Variants in CTNNA3 observed in about 807,000 individuals in gnomAD.
CTNNA3 encodes the protein catenin alpha 3, also known as catenin alpha-3.
A neutral mutation model predicts 95.7 loss-of-function variants in CTNNA3; 76 were observed. That is an observed-to-expected ratio of 0.79 (90% confidence interval 0.66 to 0.96). The LOEUF (loss-of-function observed/expected upper bound fraction) is 0.96. Among genes scored for constraint, CTNNA3 ranks in the 40% least tolerant of loss-of-function variants. CTNNA3 has a pLI of 0.00. For synonymous variants in CTNNA3, 431 were observed against 374.4 expected (o/e 1.15, Z -1.74); for missense variants, 1,191 against 1,089.8 (o/e 1.09, Z -1.31).
chr10:66,433,729 C>T (rs1311844042), intron 11 of CTNNA3, among the ~76,000 whole-genome samples: 1 of 152,140 alleles, frequency 6.6e-6, no homozygotes, highest in Non-Finnish European at 1.5e-5. Context: ...TGCCTATGTC[C>T]TGAATGGTAC....
chr10:67,568,544 T>G (rs968545184), intron 3 of CTNNA3, among the ~76,000 whole-genome samples: 2 of 151,528 alleles, frequency 1.3e-5, no homozygotes, highest in Non-Finnish European at 2.9e-5. Flanking sequence ...CATATTTATA[T>G]GCACACAGAC....
intron 1 of CTNNA3, among the ~76,000 whole-genome samples, chr10:67,753,841 T>C (rs533935488): frequency 2.6e-5 from 4 of 151,604 alleles, no homozygotes; most frequent in South Asian, 2.1e-4. Context: ...TGTGGAGGAA[T>C]AGGAACACTT....
intron 12 of CTNNA3, among the ~76,000 whole-genome samples, chr10:66,358,307 T>C (rs149468550): frequency 6.6e-6 from 1 of 151,980 alleles, no homozygotes; most frequent in Admixed American, 6.6e-5. Flanking sequence ...TGGTGTGCAC[T>C]TCCCAGATTC....
intron 1 of CTNNA3, among the ~76,000 whole-genome samples, chr10:67,702,091 A>G (rs956695393): frequency 5.3e-5 from 8 of 152,206 alleles, no homozygotes; most frequent in African/African-American, 1.7e-4. Flanking sequence ...CTAAATATAT[A>G]TGCACCCAAT....
chr10:67,299,331 A>G (rs1388319470), intron 5 of CTNNA3, among the ~76,000 whole-genome samples: 1 of 151,982 alleles, frequency 6.6e-6, no homozygotes, highest in Admixed American at 6.6e-5. Flanking sequence ...ACCAGTTACT[A>G]ATTATATCTA....
chr10:66,662,468 C>A (rs1846297023), intron 9 of CTNNA3, among the ~76,000 whole-genome samples: 1 of 152,146 alleles, frequency 6.6e-6, no homozygotes. Flanking sequence ...CTACCATTTT[C>A]TTTTGTTTTT....
At chr10:66,620,352 T>G (rs2394219) in intron 10 of CTNNA3, among the ~76,000 whole-genome samples, 47,370 of 151,594 alleles carry the variant, frequency 0.31, 8,049 homozygotes, top group Middle Eastern at 0.49. Flanking sequence ...AATTACAAAA[T>G]ACAACCTAAC....
At chr10:66,346,211 GTATATATATATATATATATA>G (rs368554085) in intron 12 of CTNNA3, among the ~76,000 whole-genome samples, 43 of 105,512 alleles carry the variant, frequency 4.1e-4, no homozygotes, top group African/African-American at 9.1e-4. Flanking sequence ...ATGTGTGTGT[GTATATATATATATATATATA>G]TATATATATA....
intron 11 of CTNNA3, among the ~76,000 whole-genome samples, chr10:66,516,386 T>C (rs971801038): frequency 1.2e-4 from 19 of 152,172 alleles, no homozygotes; most frequent in African/African-American, 4.6e-4. Context: ...CCATTTCTCT[T>C]TTTTTACTAA....
intron 7 of CTNNA3, among the ~76,000 whole-genome samples, chr10:66,846,303 G>A (rs1843272759): frequency 6.6e-6 from 1 of 152,072 alleles, no homozygotes; most frequent in Non-Finnish European, 1.5e-5. Flanking sequence ...AGGGGCTAAG[G>A]GATGGGGGAA....
chr10:67,485,430 C>T (rs560658047), intron 5 of CTNNA3, among the ~76,000 whole-genome samples: 131 of 152,192 alleles, frequency 8.6e-4, no homozygotes, highest in Middle Eastern at 6.8e-3. Flanking sequence ...AATCTTAGCC[C>T]AAACCTTAGC....
At chr10:66,335,287 T>C (rs1163370919) in intron 12 of CTNNA3, among the ~76,000 whole-genome samples, 1 of 152,090 alleles carries the variant, frequency 6.6e-6, no homozygotes, top group African/African-American at 2.4e-5. Context: ...CTGCATTCCT[T>C]TGGAGGAGGA....
intron 9 of CTNNA3, among the ~76,000 whole-genome samples, chr10:66,679,054 G>A (rs1846971197): frequency 6.6e-6 from 1 of 152,132 alleles, no homozygotes; most frequent in African/African-American, 2.4e-5. Context: ...TATGGTCAAT[G>A]TTTTGTTTTT....
intron 14 of CTNNA3, among the ~76,000 whole-genome samples, chr10:66,094,280 G>A (rs1032039719): frequency 3.3e-5 from 5 of 151,976 alleles, no homozygotes; most frequent in Admixed American, 2.0e-4. Flanking sequence ...AAGAGAAACC[G>A]GCAAAATATA....
chr10:66,754,586 G>A (rs181827432), intron 9 of CTNNA3, among the ~76,000 whole-genome samples: 34 of 152,218 alleles, frequency 2.2e-4, no homozygotes, highest in Middle Eastern at 3.4e-3. Context: ...AGAACCCACA[G>A]CATGGAAGAA....
At chr10:66,897,208 A>G (rs1052474427) in intron 7 of CTNNA3, among the ~76,000 whole-genome samples, 1 of 152,146 alleles carries the variant, frequency 6.6e-6, no homozygotes, top group African/African-American at 2.4e-5. Context: ...AAAGTGTTTA[A>G]GCATATACAG....
chr10:65,990,777 C>T (rs906180172), intron 15 of CTNNA3, among the ~76,000 whole-genome samples: 5 of 151,664 alleles, frequency 3.3e-5, no homozygotes, highest in African/African-American at 1.2e-4. Context: ...TTAATATAGT[C>T]CCATTTGCCT....
At chr10:67,440,104 A>C (rs2132928311) in intron 5 of CTNNA3, among the ~76,000 whole-genome samples, 1 of 152,284 alleles carries the variant, frequency 6.6e-6, no homozygotes, top group East Asian at 1.9e-4. Flanking sequence ...AAGGGAGCCC[A>C]CATCCCTTAA....
chr10:67,120,303 C>T (rs1859395621), intron 7 of CTNNA3, among the ~76,000 whole-genome samples: 1 of 151,880 alleles, frequency 6.6e-6, no homozygotes, highest in Non-Finnish European at 1.5e-5. Flanking sequence ...TCACTTTATA[C>T]TACGAGGGAA....
Sources: gnomAD v4.1 joint callset for allele counts (sites outside exome capture counted in the v4.1 genomes callset) on GRCh38, gnomAD v4.1.1 for gene constraint, MANE v1.5 for transcripts, NCBI Gene and HGNC (gene_info 2026-07-23, HGNC 2026-07-21) for gene names.